Variants in MTERF4 observed in about 807,000 individuals in gnomAD.
MTERF4 encodes transcription termination factor 4, mitochondrial.
Under a neutral mutation model 22.5 loss-of-function variants are expected in MTERF4, and 17 were observed. The ratio of observed to expected loss-of-function variants is 0.75; its 90% CI spans 0.52 to 1.13. The LOEUF is 1.13. MTERF4 is among the 50% of genes most tolerant of loss of function. The pLI, the probability that MTERF4 is intolerant of heterozygous loss-of-function variation, is 0.00. For synonymous variants in MTERF4, 165 were observed against 175.3 expected, an observed-to-expected ratio of 0.94 and a Z score of 0.47; for missense variants, 420 against 466.8, an observed-to-expected ratio of 0.90 and a Z score of 0.92.
intron 1 of MTERF4, among the ~76,000 whole-genome samples, chr2:241,100,316 G>A (rs943277336): frequency 5.9e-5 from 9 of 152,178 alleles, no homozygotes; most frequent in African/African-American, 1.2e-4. Context: ...GGTTTGAACT[G>A]CTTGGATCCA....
At position 241,096,721 on chromosome 2, in the gene MTERF4, TG is replaced by T. The variant is rs1559337781; in HGVS notation, c.706-284del. On this transcript the variant is annotated intron_variant, in intron 3 of 3. Coordinates refer to ENST00000391980, the MANE Select transcript of MTERF4 (RefSeq NM_182501.4). The surrounding 1 kb of genome is among the most constrained non-coding windows in gnomAD (Gnocchi z 5.1). ...GGAAGAGGTGGTATTTTTCTTTAAATGGGGAAGGAAAAGGATGAATATGGAA... is the reference window on the plus strand; with the variant it reads ...GGAAGAGGTGGTATTTTTCTTTAAATGGGAAGGAAAAGGATGAATATGGAA... The T allele has an allele frequency of 1.6e-6, 1 of 626,268 alleles. No homozygotes were observed. Among genetic ancestry groups the T allele is most frequent in the South Asian group, 1.6e-5 (1 of 62,000 alleles). 38.8% of individuals were successfully genotyped at this position (626,268 alleles called of 1,614,324 possible).
chr2:241,083,937 T>C (rs575923135), downstream of MTERF4, among the ~76,000 whole-genome samples: 20 of 152,252 alleles, frequency 1.3e-4, no homozygotes, highest in African/African-American at 4.1e-4. Context: ...CTGCTTTTTG[T>C]TCCTTTTTTC....
chr2:241,088,326 T>A (rs776788701), downstream of MTERF4: 1 of 1,462,054 alleles, frequency 6.8e-7, no homozygotes, highest in Non-Finnish European at 9.6e-7. Context: ...AGGTACACAG[T>A]CTCTTTTTCA....
chr2:241,082,929 C>T (rs2063399412), downstream of MTERF4, among the ~76,000 whole-genome samples: 2 of 151,900 alleles, frequency 1.3e-5, no homozygotes. Flanking sequence ...GGGCACTGTC[C>T]ATTTAGTCAA....
downstream of MTERF4, chr2:241,071,664 G>A (rs374864933): frequency 2.4e-4 from 378 of 1,563,480 alleles, no homozygotes; most frequent in Non-Finnish European, 3.0e-4. Flanking sequence ...CGCGCCTGCC[G>A]GAGCTGCGCC....
chr2:241,058,280 CAATA>C, the MTERF4 span, among the ~76,000 whole-genome samples: 1 of 151,910 alleles, frequency 6.6e-6, no homozygotes, highest in Non-Finnish European at 1.5e-5. Flanking sequence ...ACAATAATCT[CAATA>C]TATATAAAGC....
the MTERF4 span, chr2:241,062,758 A>T: frequency 1.4e-6 from 2 of 1,470,540 alleles, no homozygotes; most frequent in Non-Finnish European, 1.9e-6. Context: ...AATCGTGGCC[A>T]CATTGCTTTA....
At chr2:241,049,478 T>C in the MTERF4 span, among the ~76,000 whole-genome samples, 1 of 152,204 alleles carries the variant, frequency 6.6e-6, no homozygotes, top group African/African-American at 2.4e-5. Context: ...TGTTAGTGTA[T>C]AGATGAGATG....
At chr2:241,043,840 T>G in the MTERF4 span, among the ~76,000 whole-genome samples, 1 of 152,214 alleles carries the variant, frequency 6.6e-6, no homozygotes, top group African/African-American at 2.4e-5. Flanking sequence ...TGAATAGGTA[T>G]GGCTGTGTTC....
rs987580965 is a variant in MTERF4 at position 241,095,862 on chromosome 2, A to AT, written c.*135dup. 1 of 1,479,938 alleles carries AT rather than the reference A, an allele frequency of 6.8e-7. No homozygotes were observed. Among genetic ancestry groups the AT allele is most frequent in the Non-Finnish European group, 9.0e-7 (1 of 1,110,870 alleles). 91.7% of individuals were successfully genotyped at this position (1,479,938 alleles called of 1,614,324 possible). A position where few individuals can be genotyped will look rare whatever the true frequency, so the allele number is the denominator to read the frequency against. ...CTGTCTGCCTCTCAGGTGACTTATA[A>AT]TTTTTTTCATCAAGAGACCAGTTTT... is the stretch of plus-strand genomic sequence containing the variant. On this transcript the variant is annotated 3_prime_UTR_variant, in exon 4 of 4. Transcript: ENST00000391980.
chr2:241,097,120 C>T, intron 3 of MTERF4, 123 bp downstream of exon 3: 1 of 1,206,880 alleles, frequency 8.3e-7, no homozygotes. Flanking sequence ...TTTGAAAAAC[C>T]TGAGAAACTT....
chr2:241,083,626 G>A (rs372786844), downstream of MTERF4, among the ~76,000 whole-genome samples: 5 of 152,278 alleles, frequency 3.3e-5, no homozygotes, highest in Admixed American at 2.6e-4. Context: ...GTGAGAGTCC[G>A]AATCCACAGT....
chr2:241,071,877 A>C, downstream of MTERF4: 2 of 1,599,482 alleles, frequency 1.3e-6, no homozygotes, highest in South Asian at 2.3e-5. Context: ...CCGTGAGATC[A>C]CGTGAGTGCC....
rs113841789 is a variant in MTERF4 at position 241,073,244 on chromosome 2, G to A, written n.2918C>T. 584 of 1,542,110 alleles carry A rather than the reference G, an allele frequency of 3.8e-4. No individual in the cohort carries two copies. In the African/African-American group the frequency reaches 6.3e-3, roughly 17 times the overall value. On this transcript the variant is annotated non_coding_transcript_exon_variant, in exon 5 of 5. Transcript: ENST00000464344. The surrounding 1 kb of genome is among the most constrained non-coding windows in gnomAD (Gnocchi z 6.6). The stretch of plus-strand genomic sequence containing the variant: ...GGGTGCAAAGCAGCTGCGCCGTGTG[G>A]TCACCGCCTGGCTTCTCCTAGAACC...
chr2:241,062,502 G>A, the MTERF4 span, among the ~76,000 whole-genome samples: 1 of 152,126 alleles, frequency 6.6e-6, no homozygotes, highest in Non-Finnish European at 1.5e-5. Flanking sequence ...AACCCCTGAG[G>A]CCTTTGTCCT....
At chr2:241,063,276 A>C in the MTERF4 span, 2 of 488,928 alleles carry the variant, frequency 4.1e-6, no homozygotes, top group Non-Finnish European at 3.7e-6. Flanking sequence ...AAGCCTGAGA[A>C]ACGCAGGCTC....
the MTERF4 span, chr2:241,065,680 C>G: frequency 8.5e-7 from 1 of 1,181,052 alleles, no homozygotes; most frequent in South Asian, 1.5e-5. Flanking sequence ...GGGCGGCTGT[C>G]ATGCCGTCCA....
the MTERF4 span, among the ~76,000 whole-genome samples, chr2:241,052,987 G>A: frequency 5.3e-5 from 8 of 152,274 alleles, no homozygotes; most frequent in East Asian, 3.9e-4. Flanking sequence ...AGAAGGAAAC[G>A]TATCACGGCA....
In MTERF4 at chr2:241,073,416, G is replaced by A. The variant is rs761329637; in HGVS notation, n.2746C>T. The A allele has an allele frequency of 2.8e-6, 4 of 1,427,524 alleles. No individual in the cohort carries two copies. Among genetic ancestry groups the A allele is most frequent in the South Asian group, 2.4e-5 (2 of 81,684 alleles). The allele number at this position is 1,427,524 out of a possible 1,614,324, so 88.4% of individuals were successfully genotyped here. A position where few individuals can be genotyped will look rare whatever the true frequency, so the allele number is the denominator to read the frequency against. ...TTGGGACTGACTGACTGCTCTCAGGGGCCTTAGAGGCTGCAGGCAGGAGGG... is the reference window on the plus strand; with the variant it reads ...TTGGGACTGACTGACTGCTCTCAGGAGCCTTAGAGGCTGCAGGCAGGAGGG... On this transcript the variant is annotated non_coding_transcript_exon_variant, in exon 5 of 5. Coordinates refer to the MTERF4 transcript ENST00000464344. The surrounding 1 kb of genome is among the most constrained non-coding windows in gnomAD (Gnocchi z 6.6).
Sources: allele counts gnomAD v4.1 joint callset (sites outside exome capture counted in the v4.1 genomes callset), GRCh38; gene constraint gnomAD v4.1.1; non-coding constraint Gnocchi (gnomAD v3.1); transcripts MANE v1.5; gene names NCBI Gene and HGNC (gene_info 2026-07-23, HGNC 2026-07-21).